The following AKAP6 variants were observed in gnomAD, a reference collection of about 807,000 sequenced individuals.
AKAP6 encodes A-kinase anchoring protein 6.
A neutral mutation model predicts 188.5 loss-of-function variants in AKAP6; 58 were observed. That is an observed-to-expected ratio of 0.31 (90% CI 0.25 to 0.38). The LOEUF (loss-of-function observed/expected upper bound fraction) is 0.38. Among genes scored for constraint, AKAP6 ranks in the 10% least tolerant of loss-of-function variants. AKAP6 has a pLI of 1.00. For synonymous variants in AKAP6, 989 were observed against 998.6 expected (o/e 0.99, Z 0.18); for missense variants, 2,710 against 2,740.0 (o/e 0.99, Z 0.24).
chr14:32,390,579 G>A (rs563578122), intron 1 of AKAP6, among the ~76,000 whole-genome samples: 3 of 152,220 alleles, frequency 2.0e-5, no homozygotes, highest in African/African-American at 2.4e-5. Flanking sequence ...TCCTATGGAT[G>A]TGGCTTCCTG....
intron 9 of AKAP6, among the ~76,000 whole-genome samples, chr14:32,698,878 G>C (rs957297576): frequency 6.6e-6 from 1 of 152,140 alleles, no homozygotes; most frequent in Non-Finnish European, 1.5e-5. Flanking sequence ...CTTCAGCTGA[G>C]TGATGGCAAA....
chr14:32,483,954 T>C (rs909382337), intron 2 of AKAP6: 4 of 151,706 alleles, frequency 2.6e-5, no homozygotes, highest in African/African-American at 9.7e-5. Context: ...CAGACCCTGG[T>C]GTGTATGTTC....
intron 11 of AKAP6, among the ~76,000 whole-genome samples, chr14:32,756,121 G>A (rs1201529507): frequency 2.0e-5 from 3 of 152,196 alleles, no homozygotes; most frequent in Non-Finnish European, 2.9e-5. Flanking sequence ...GACTTGCCTT[G>A]AGCCTGGGTC....
At chr14:32,678,593 G>A (rs752698410) in intron 8 of AKAP6, 134 bp downstream of exon 8, 8 of 996,604 alleles carry the variant, frequency 8.0e-6, no homozygotes, top group South Asian at 3.7e-5. Flanking sequence ...AGGCATTAAT[G>A]TTCTTTTCCA....
At chr14:32,471,289 T>C (rs1201675411) in intron 2 of AKAP6, among the ~76,000 whole-genome samples, 5 of 152,220 alleles carry the variant, frequency 3.3e-5, no homozygotes. Flanking sequence ...TACCATGGGT[T>C]AGGCTTATGT....
chr14:32,348,413 G>GTTTCT (rs1887143992), intron 1 of AKAP6, among the ~76,000 whole-genome samples: 1 of 69,526 alleles, frequency 1.4e-5, no homozygotes, highest in East Asian at 4.1e-4. Context: ...CTTTTCTTTT[G>GTTTCT]TTTCTTTTTT....
chr14:32,730,785 G>T (rs1187936339), intron 9 of AKAP6, among the ~76,000 whole-genome samples: 2 of 152,068 alleles, frequency 1.3e-5, no homozygotes, highest in Admixed American at 1.3e-4. Flanking sequence ...ATTTTAGATG[G>T]GAACCTGATT....
At chr14:32,337,928 G>T (rs895708609) in intron 1 of AKAP6, among the ~76,000 whole-genome samples, 4 of 152,114 alleles carry the variant, frequency 2.6e-5, no homozygotes, top group South Asian at 2.1e-4. Flanking sequence ...GCTGAGGGGG[G>T]AGGATTGCTT....
rs371114347 is a variant in AKAP6, at chr14:32,433,726, G to A, written c.233G>A (p.Arg78Gln). ...TTACCTGAAATTGAGACCTGGCTCC[G>A]GATGACCTCAGAGAGGGTCCGAGAC... ...LHLPEIETWL[R>Q]MTSERVRDLT... The change falls in exon 2 of 14, where the codon CGG becomes CAG. Residue 78 changes from arginine to glutamine, a missense_variant. Arg to Gln is a conservative substitution (Grantham distance 43, BLOSUM62 1). Coordinates refer to ENST00000280979, the MANE Select transcript of AKAP6 (RefSeq NM_004274.5). 184 of 1,614,022 alleles carry A rather than the reference G, an allele frequency of 1.1e-4. 2 individuals are homozygous for A. The highest frequency in any genetic ancestry group is 1.5e-4 in the Admixed American group (9 of 59,990).
chr14:32,343,325 C>G (rs1349406261), intron 1 of AKAP6, among the ~76,000 whole-genome samples: 2 of 151,868 alleles, frequency 1.3e-5, no homozygotes, highest in Non-Finnish European at 2.9e-5. Flanking sequence ...TAGTGGAGAC[C>G]CAGATTATTC....
At chr14:32,600,567 A>C in intron 6 of AKAP6, 62 bp from the exon 7 acceptor site, 1 of 1,472,988 alleles carries the variant, frequency 6.8e-7, no homozygotes, top group Non-Finnish European at 9.1e-7. Flanking sequence ...TTACTAAATA[A>C]AAATAATGAG....
At chr14:32,712,393 G>C (rs73266935) in intron 9 of AKAP6, among the ~76,000 whole-genome samples, 1,520 of 151,960 alleles carry the variant, frequency 0.01, 18 homozygotes, top group African/African-American at 0.034. Context: ...GGGTGGCTGC[G>C]GCAATTTCTT....
chr14:32,803,700 G>A (rs761251301), intron 12 of AKAP6, among the ~76,000 whole-genome samples: 69 of 151,362 alleles, frequency 4.6e-4, no homozygotes, highest in Non-Finnish European at 5.4e-4. Flanking sequence ...CTCTTCTTTC[G>A]CTCTAGGCAA....
intron 12 of AKAP6, among the ~76,000 whole-genome samples, chr14:32,800,247 C>T (rs1237751060): frequency 6.9e-6 from 1 of 145,696 alleles, no homozygotes; most frequent in Non-Finnish European, 1.5e-5. Flanking sequence ...TATATATATA[C>T]AAAAATTAGC....
intron 1 of AKAP6, among the ~76,000 whole-genome samples, chr14:32,396,382 A>G (rs1199354440): frequency 1.3e-5 from 2 of 152,162 alleles, no homozygotes; most frequent in Non-Finnish European, 2.9e-5. Context: ...TCTACCTATC[A>G]GTCATTCCTC....
chr14:32,562,588 T>C (rs1884001742), intron 4 of AKAP6, among the ~76,000 whole-genome samples: 1 of 152,072 alleles, frequency 6.6e-6, no homozygotes, highest in African/African-American at 2.4e-5. Context: ...TGAAACCCTG[T>C]CTCTACTAAA....
chr14:32,681,112 A>C (rs909561440), intron 8 of AKAP6, among the ~76,000 whole-genome samples: 1 of 152,234 alleles, frequency 6.6e-6, no homozygotes, highest in African/African-American at 2.4e-5. Context: ...ATATTCATTG[A>C]GGGCCTACTA....
chr14:32,385,717 G>C (rs1386351477), intron 1 of AKAP6, among the ~76,000 whole-genome samples: 2 of 151,168 alleles, frequency 1.3e-5, no homozygotes, highest in Non-Finnish European at 2.9e-5. Context: ...ATCTCATCCA[G>C]GTTGCTACGA....
At chr14:32,343,873 T>A (rs889611316) in intron 1 of AKAP6, among the ~76,000 whole-genome samples, 1 of 152,024 alleles carries the variant, frequency 6.6e-6, no homozygotes, top group Non-Finnish European at 1.5e-5. Flanking sequence ...AGTTTCTTCT[T>A]ACAACCTTTG....
Sources: allele counts gnomAD v4.1 joint callset (sites outside exome capture counted in the v4.1 genomes callset), GRCh38; gene constraint gnomAD v4.1.1; transcripts MANE v1.5; gene names NCBI Gene and HGNC (gene_info 2026-07-23, HGNC 2026-07-21).